Variants in PTPRN2 observed in about 807,000 individuals in gnomAD.
PTPRN2 encodes receptor-type tyrosine-protein phosphatase N2.
In PTPRN2, 74 loss-of-function variants were observed where a neutral mutation model predicts 118.8. The ratio of observed to expected loss-of-function variants is 0.62; its 90% CI spans 0.52 to 0.76. The LOEUF (loss-of-function observed/expected upper bound fraction) is 0.76. Ranked by LOEUF, PTPRN2 falls within the 30% of genes least tolerant of loss-of-function variation. The pLI is 0.00. For missense variants in PTPRN2, 1,481 were observed against 1,394.4 expected, an observed-to-expected ratio of 1.06 and a Z score of -0.99; for synonymous variants, 641 against 608.0, an observed-to-expected ratio of 1.05 and a Z score of -0.80.
At chr7:157,749,816 T>G (rs1422183481) in intron 12 of PTPRN2, among the ~76,000 whole-genome samples, 1 of 141,088 alleles carries the variant, frequency 7.1e-6, no homozygotes, top group Non-Finnish European at 1.5e-5. Context: ...GGTGCCTGGG[T>G]GATTTTGAGG....
chr7:158,136,675 C>T lies in PTPRN2; in HGVS notation c.1153G>A (p.Asp385Asn), dbSNP rs142423725. 3.2e-5 allele frequency: 52 copies of T among 1,613,746 alleles called. No homozygotes were observed. Among genetic ancestry groups the T allele is most frequent in the Non-Finnish European group, 4.1e-5 (48 of 1,179,810 alleles). ...SFPDDGVQDDDDRLYQEVHRL... is the reference protein window; with the variant it reads ...SFPDDGVQDDNDRLYQEVHRL... ...CTTACCTCTTGGTAAAGTCTATCAT[C>T]GTCGTCCTGCACTCCGTCATCTGTA... The change falls in exon 8 of 23, where the codon GAT (aspartate) becomes AAT (asparagine). Residue 385 changes from aspartate (D) to asparagine (N), a missense_variant. This residue lies in a region of PTPRN2 where 1,115 missense variants were observed against 994.2 expected (regional missense o/e 1.12). Transcript: ENST00000389418.
chr7:157,918,338 A>C (rs539962782), intron 11 of PTPRN2, among the ~76,000 whole-genome samples: 2 of 152,250 alleles, frequency 1.3e-5, no homozygotes, highest in Non-Finnish European at 2.9e-5. Context: ...CTTAAAACAA[A>C]TTACCTGGGA....
At position 157,618,941 on chromosome 7, in the gene PTPRN2, G is replaced by A. The variant is rs1362684838; in HGVS notation, c.2344+2421C>T. Among the ~76,000 whole-genome samples, 4 of 152,052 alleles carry A rather than the reference G, an allele frequency of 2.6e-5. No individual in the cohort carries two copies. Among genetic ancestry groups the A allele is most frequent in the African/African-American group, 4.8e-5 (2 of 41,402 alleles). On this transcript the variant is annotated intron_variant, in intron 15 of 22. Coordinates refer to ENST00000389418, the MANE Select transcript of PTPRN2 (RefSeq NM_002847.5). The surrounding 1 kb of genome is among the most constrained non-coding windows in gnomAD (Gnocchi z 4.2). The stretch of plus-strand genomic sequence containing the variant: ...TCTGGCTCCAGTGCGAGTCTCGGGA[G>A]GGAGGTGCTTTCCCCCTCACCCGTC...
At chr7:157,849,262 C>T (rs189644832) in intron 12 of PTPRN2, among the ~76,000 whole-genome samples, 1 of 152,316 alleles carries the variant, frequency 6.6e-6, no homozygotes, top group Non-Finnish European at 1.5e-5. Context: ...TGCCTTTCTC[C>T]CCCAGGCTGG....
intron 2 of PTPRN2, among the ~76,000 whole-genome samples, chr7:158,402,074 C>T (rs968772150): frequency 1.3e-5 from 2 of 151,980 alleles, no homozygotes; most frequent in African/African-American, 2.4e-5. Context: ...AGGCGGGACA[C>T]GGGGTGTGAA....
chr7:158,520,851 C>T (rs1308198830), intron 1 of PTPRN2, among the ~76,000 whole-genome samples: 1 of 152,158 alleles, frequency 6.6e-6, no homozygotes, highest in Non-Finnish European at 1.5e-5. Context: ...AGATCGGTAA[C>T]CCCAGCCTCT....
intron 2 of PTPRN2, among the ~76,000 whole-genome samples, chr7:158,362,016 T>C (rs1001988302): frequency 1.3e-5 from 2 of 152,206 alleles, no homozygotes; most frequent in African/African-American, 4.8e-5. Flanking sequence ...GTGGGTTCCA[T>C]CTTTCCTCCG....
chr7:157,940,227 G>A lies in PTPRN2; in HGVS notation c.1724-41490C>T, dbSNP rs563145303. On this transcript the variant is annotated intron_variant, in intron 11 of 22. Transcript: ENST00000389418. ...CAGAACTTGGTTATAACTCAGCCCC[G>A]GCTCCTTTCTGAAGCCTCAGTGCAG... is the stretch of plus-strand genomic sequence containing the variant. Among the ~76,000 whole-genome samples, 10 of 152,204 alleles carry A rather than the reference G, an allele frequency of 6.6e-5. No homozygotes were observed. In the East Asian group the frequency reaches 1.2e-3, roughly 18 times the overall value.
rs1160580331 is a variant in PTPRN2, at chr7:158,093,533, G to A, written c.1644-12156C>T. 2.0e-5 allele frequency among the ~76,000 whole-genome samples: 3 copies of A among 152,186 alleles called. No homozygotes were observed. The highest frequency in any genetic ancestry group is 4.4e-5 in the Non-Finnish European group (3 of 68,044). ...TCACTCTAGGCAAGCCCACAGCTTG[G>A]TGCTGGGCTAATCCAAGCTACCGAC... On this transcript the variant is annotated intron_variant, in intron 10 of 22. Transcript: ENST00000389418. The surrounding 1 kb of genome is among the most constrained non-coding windows in gnomAD (Gnocchi z 4.4).
chr7:158,492,837 G>C (rs1362846402), intron 1 of PTPRN2, among the ~76,000 whole-genome samples: 5 of 152,168 alleles, frequency 3.3e-5, no homozygotes, highest in Admixed American at 3.3e-4. Context: ...CAGGCGCCTC[G>C]GGCACACGCC....
At chr7:157,995,532 C>T (rs569733184) in intron 11 of PTPRN2, among the ~76,000 whole-genome samples, 51 of 152,394 alleles carry the variant, frequency 3.3e-4, no homozygotes, top group African/African-American at 1.2e-3. Context: ...TTGTTAAACA[C>T]ACCCCAAGGT....
Position 157,868,188 on chromosome 7 carries a change from C to T in PTPRN2, c.1788+30485G>A, listed in dbSNP as rs904384602. ...GGCCAGGCACAGGAAGGGTTCCTTT[C>T]CCGATGGCTCCGACAGCCCAGTGGT... On this transcript the variant is annotated intron_variant, in intron 12 of 22. Coordinates refer to ENST00000389418, the MANE Select transcript of PTPRN2 (RefSeq NM_002847.5). This position sits in a 1 kb window ranked among gnomAD's most constrained non-coding sequence, Gnocchi z 5.2. 6.6e-6 allele frequency among the ~76,000 whole-genome samples: 1 copy of T among 152,222 alleles called. No homozygotes were observed. Among genetic ancestry groups the T allele is most frequent in the Non-Finnish European group, 1.5e-5 (1 of 68,044 alleles).
intron 11 of PTPRN2, among the ~76,000 whole-genome samples, chr7:157,930,570 A>G (rs1470453527): frequency 6.6e-6 from 1 of 152,246 alleles, no homozygotes; most frequent in Non-Finnish European, 1.5e-5. Flanking sequence ...TGCCTGGAGC[A>G]CCGGAGGGTG....
intron 11 of PTPRN2, among the ~76,000 whole-genome samples, chr7:157,988,047 C>T (rs1422916393): frequency 6.6e-6 from 1 of 152,020 alleles, no homozygotes; most frequent in Non-Finnish European, 1.5e-5. Context: ...CTCACCACTC[C>T]CCCTTTTGTC....
intron 10 of PTPRN2, among the ~76,000 whole-genome samples, chr7:158,083,243 C>A (rs112413585): frequency 6.6e-6 from 1 of 152,122 alleles, no homozygotes; most frequent in Non-Finnish European, 1.5e-5. Flanking sequence ...ACGGCCTCAC[C>A]CACGCAGGAG....
At chr7:158,477,372 A>G (rs1025579397) in intron 2 of PTPRN2, among the ~76,000 whole-genome samples, 2 of 152,248 alleles carry the variant, frequency 1.3e-5, no homozygotes, top group Non-Finnish European at 2.9e-5. Flanking sequence ...CAAACAGGAA[A>G]TGTCTGTTAC....
intron 2 of PTPRN2, among the ~76,000 whole-genome samples, chr7:158,428,425 T>C (rs940176815): frequency 4.6e-5 from 7 of 152,048 alleles, no homozygotes; most frequent in Admixed American, 4.6e-4. Context: ...GCACAGAAAC[T>C]GCAAAGGAGA....
intron 2 of PTPRN2, among the ~76,000 whole-genome samples, chr7:158,371,463 TAAAAG>T (rs998360542): frequency 5.9e-5 from 9 of 152,144 alleles, no homozygotes; most frequent in Admixed American, 5.9e-4. Flanking sequence ...ATAAAATTCA[TAAAAG>T]AAAACATAAA....
chr7:158,488,685 C>T (rs748961093), intron 2 of PTPRN2, among the ~76,000 whole-genome samples: 2 of 152,242 alleles, frequency 1.3e-5, no homozygotes, highest in Non-Finnish European at 2.9e-5. Flanking sequence ...AGTCCCCCGC[C>T]GGCACCCACG....
Sources: gnomAD v4.1 joint callset for allele counts (sites outside exome capture counted in the v4.1 genomes callset) on GRCh38, gnomAD v4.1.1 for gene constraint, gnomAD v4.1.1 regional missense constraint, Gnocchi (gnomAD v3.1) non-coding constraint, MANE v1.5 for transcripts, NCBI Gene and HGNC (gene_info 2026-07-23, HGNC 2026-07-21) for gene names.